EXOC3L1: variants seen among roughly 807,000 people sequenced by gnomAD.
EXOC3L1 encodes exocyst complex component 3-like protein.
In EXOC3L1, 79 loss-of-function variants were observed where a neutral mutation model predicts 83.6. That is an observed-to-expected ratio of 0.95 (90% confidence interval 0.79 to 1.14). The LOEUF (loss-of-function observed/expected upper bound fraction) is 1.14, where lower values mean the gene tolerates loss of function less well. Among genes scored for constraint, EXOC3L1 ranks in the 50% most tolerant of loss-of-function variants. The pLI is 0.00. For synonymous variants in EXOC3L1, 433 were observed against 451.2 expected (o/e 0.96, Z 0.51); for missense variants, 945 against 972.0 (o/e 0.97, Z 0.37).
In EXOC3L1 at chr16:67,184,487, G is replaced by A; in HGVS notation, c.2148C>T (p.Arg716=). The change falls in exon 14 of 14, where the codon CGC becomes CGT. Residue 716 remains arginine (R), a synonymous_variant. Transcript: ENST00000314586. Reference sequence around the variant, plus strand: ...GCGCGGGCACTAGGCTGAAGAGGACGCGGCGGCTCGCGCGGGGCGACGGCG... The same window carrying A: ...GCGCGGGCACTAGGCTGAAGAGGACACGGCGGCTCGCGCGGGGCGACGGCG... ...ALPPSPRASR[R]VLFSLVPAPA... is the part of the protein sequence containing the mutation. 1 of 1,522,148 alleles carries A rather than the reference G, an allele frequency of 6.6e-7. No individual in the cohort carries two copies. The highest frequency in any genetic ancestry group is 8.8e-7 in the Non-Finnish European group (1 of 1,142,014). The allele number at this position is 1,522,148 out of a possible 1,614,324, so 94.3% of individuals were successfully genotyped here. A position where few individuals can be genotyped will look rare whatever the true frequency, so the allele number is the denominator to read the frequency against.
chr16:67,184,824 G>A lies in EXOC3L1; in HGVS notation c.1906-14C>T, dbSNP rs2145983551. ...CTCCTCCAGGCCCTGAGCACGTCGG[G>A]GTAGGGTCTCGCGCCAGCCCTCTCT... On this transcript the variant is annotated splice_polypyrimidine_tract_variant and intron_variant, in intron 12 of 13. Transcript: ENST00000314586. The A allele has an allele frequency of 1.9e-6, 3 of 1,604,740 alleles. No homozygotes were observed. The highest frequency in any genetic ancestry group is 2.5e-6 in the Non-Finnish European group (3 of 1,179,700).
chr16:67,184,970 C>A lies in EXOC3L1; in HGVS notation c.1837G>T (p.Glu613Ter). The change falls in exon 12 of 14, where the codon GAG (glutamate) becomes TAG (stop). Residue 613 changes from glutamate (E) to a stop codon, truncating the protein, a stop_gained. Coordinates refer to ENST00000314586, the MANE Select transcript of EXOC3L1 (RefSeq NM_178516.4). LOFTEE classifies it high-confidence loss of function. ...AGGCGCTCGGCCGCCTGGGTCCTCT[C>A]GTCGGCTCCGCGGCACACCAGGCGG... ...QGRLVCRGAD[E>*]RTQAAERLRH... 1.2e-6 allele frequency: 2 copies of A among 1,610,046 alleles called. No individual in the cohort carries two copies. Among genetic ancestry groups the A allele is most frequent in the Non-Finnish European group, 1.7e-6 (2 of 1,178,974 alleles).
At position 67,186,352 on chromosome 16, in the gene EXOC3L1, A is replaced by C. The variant is rs1027762613; in HGVS notation, c.1386-5T>G. 21 of 1,555,828 alleles carry C rather than the reference A, an allele frequency of 1.3e-5. No individual in the cohort carries two copies. The highest frequency in any genetic ancestry group is 1.8e-5 in the Non-Finnish European group (21 of 1,148,172). ...CGGATCAGAGCATCACTGAAGCTGC[A>C]ATGGGCAGAGGTGGCTCCTGGACTT... On this transcript the variant is annotated splice_polypyrimidine_tract_variant and splice_region_variant and intron_variant, in intron 8 of 13. Transcript: ENST00000314586.
intron 7 of EXOC3L1, 45 bp from the exon 8 acceptor site, chr16:67,186,702 C>G (rs369404811): frequency 6.5e-5 from 105 of 1,613,134 alleles, no homozygotes; most frequent in Admixed American, 1.7e-4. Context: ...TCCCTCCTTC[C>G]TCTCCTCCCC....
chr16:67,188,752 G>A lies in EXOC3L1; in HGVS notation c.396C>T (p.Ala132=), dbSNP rs574360655. Residue 132 remains alanine (A), a synonymous_variant, in exon 4 of 14, where the codon GCC becomes GCT. Coordinates refer to ENST00000314586, the MANE Select transcript of EXOC3L1 (RefSeq NM_178516.4). ...ERVAQHKQLQ[A]LSHLLPRLRA... is the part of the protein sequence containing the mutation. ...GCAGCCGAGGCAGCAGGTGAGACAG[G>A]GCCTGCAGTTGCTTGTGCTGGGCAA... 1 of 1,612,510 alleles carries A rather than the reference G, an allele frequency of 6.2e-7. No individual in the cohort carries two copies. The highest frequency in any genetic ancestry group is 1.1e-5 in the South Asian group (1 of 91,066).
At chr16:67,185,651 G>A (rs1597268649) in intron 9 of EXOC3L1, 161 bp from the exon 10 acceptor site, 1 of 662,734 alleles carries the variant, frequency 1.5e-6, no homozygotes, top group East Asian at 2.7e-5. Context: ...ACCAGGGCTG[G>A]GAGACGGGCG....
At position 67,186,650 on chromosome 16, in the gene EXOC3L1, TC is replaced by T. The variant is rs2032731265; in HGVS notation, c.1291del (p.Glu431LysfsTer30). 1 of 1,614,058 alleles carries T rather than the reference TC, an allele frequency of 6.2e-7. No individual in the cohort carries two copies. The highest frequency in any genetic ancestry group is 8.5e-7 in the Non-Finnish European group (1 of 1,179,976). On this transcript the variant is annotated frameshift_variant, in exon 8 of 14. Coordinates refer to ENST00000314586, the MANE Select transcript of EXOC3L1 (RefSeq NM_178516.4). LOFTEE classifies it high-confidence loss of function. ...PMPAIVLQILEENIRVASLVS... is the reference protein window; with the variant it reads ...PMPAIVLQILXENIRVASLVS... ...CAGGCTGGCCACACGAATGTTCTCT[TC>T]CAGGATCTGCAGGCAGAAATGAGCA...
At chr16:67,189,256 A>T (rs2032816924) in intron 2 of EXOC3L1, 76 bp from the exon 3 acceptor site, 1 of 1,254,588 alleles carries the variant, frequency 8.0e-7, no homozygotes, top group African/African-American at 1.5e-5. Flanking sequence ...TTTCTTATTT[A>T]TTTATTTATT....
At position 67,185,442 on chromosome 16, in the gene EXOC3L1, C is replaced by T; in HGVS notation, c.1545G>A (p.Leu515=). Residue 515 remains leucine, a synonymous_variant, in exon 10 of 14, where the codon TTG becomes TTA. Coordinates refer to ENST00000314586, the MANE Select transcript of EXOC3L1 (RefSeq NM_178516.4). ...CGTCCAGCGCAGCTTCCACTGGAGC[C>T]AAGGCCCCTGAAGGCGCCCCGTCCA... is the stretch of plus-strand genomic sequence containing the variant. The part of the protein sequence containing the change: ...LQLDGAPSGA[L]APVEAALDEL... 1.2e-6 allele frequency: 2 copies of T among 1,611,396 alleles called. No individual in the cohort carries two copies. The highest frequency in any genetic ancestry group is 1.3e-5 in the African/African-American group (1 of 74,902).
intron 9 of EXOC3L1, 96 bp downstream of exon 9, chr16:67,186,141 A>C: frequency 1.2e-6 from 1 of 868,648 alleles, no homozygotes; most frequent in East Asian, 2.7e-5. Context: ...ATGTGAGTCC[A>C]AAGTCCCTAG....
At position 67,185,380 on chromosome 16, in the gene EXOC3L1, G is replaced by T; in HGVS notation, c.1607C>A (p.Ala536Glu). ...QRRIYRLVLE[A>E]LQAELQPLFA... ...CCTCACCTGGAGCTCCGCCTGCAGC[G>T]CCTCCAACACCAAGCGGTAGATCCT... is the stretch of plus-strand genomic sequence containing the variant. Residue 536 changes from alanine to glutamate, a missense_variant, in exon 10 of 14, where the codon GCG becomes GAG. Coordinates refer to ENST00000314586, the MANE Select transcript of EXOC3L1 (RefSeq NM_178516.4). 1 of 1,612,656 alleles carries T rather than the reference G, an allele frequency of 6.2e-7. No individual in the cohort carries two copies. The highest frequency in any genetic ancestry group is 1.1e-5 in the South Asian group (1 of 91,084).
chr16:67,189,696 G>C lies in EXOC3L1; in HGVS notation c.-7-13C>G, dbSNP rs1478939971. 5 of 1,613,724 alleles carry C rather than the reference G, an allele frequency of 3.1e-6. No homozygotes were observed. Among genetic ancestry groups the C allele is most frequent in the South Asian group, 1.1e-5 (1 of 91,000 alleles). On this transcript the variant is annotated splice_polypyrimidine_tract_variant and intron_variant, in intron 1 of 13. Coordinates refer to ENST00000314586, the MANE Select transcript of EXOC3L1 (RefSeq NM_178516.4). ...GTCCATTGTGGGCCTGGAGGAGCCAGAGCTGAGGTGGGCCCGGGGCAAGCA... is the reference window on the plus strand; with the variant it reads ...GTCCATTGTGGGCCTGGAGGAGCCACAGCTGAGGTGGGCCCGGGGCAAGCA...
chr16:67,186,077 A>T (rs1444926758), intron 9 of EXOC3L1, among the ~76,000 whole-genome samples, 160 bp downstream of exon 9: 4 of 152,228 alleles, frequency 2.6e-5, no homozygotes, highest in Non-Finnish European at 5.9e-5. Context: ...TAGGTAACTC[A>T]TCCAAGGTCA....
In EXOC3L1 at chr16:67,185,335, C is replaced by T. The variant is rs754887106; in HGVS notation, c.1626+26G>A. The T allele has an allele frequency of 4.3e-6, 7 of 1,612,848 alleles. No homozygotes were observed. The Admixed American group carries it at 8.3e-5, about 19-fold the overall frequency. ...TGTACCGCCACCTCTCCACCTGCTCCCATCCTGACCTGAAGGAGGCCTCAC... is the reference window on the plus strand; with the variant it reads ...TGTACCGCCACCTCTCCACCTGCTCTCATCCTGACCTGAAGGAGGCCTCAC... On this transcript the variant is annotated intron_variant, in intron 10 of 13. Coordinates refer to ENST00000314586, the MANE Select transcript of EXOC3L1 (RefSeq NM_178516.4).
At chr16:67,188,969 G>A in intron 3 of EXOC3L1, 29 bp from the exon 4 acceptor site, 3 of 1,609,698 alleles carry the variant, frequency 1.9e-6, no homozygotes, top group Non-Finnish European at 2.5e-6. Flanking sequence ...ATGAGGCTGG[G>A]CCAGCCCTGC....
At chr16:67,186,199 G>T (rs754365821) in intron 9 of EXOC3L1, 38 bp downstream of exon 9, 1 of 1,372,460 alleles carries the variant, frequency 7.3e-7, no homozygotes, top group Non-Finnish European at 1.0e-6. Context: ...TCAATAGGGG[G>T]TTAGTGAAGG....
Position 67,187,331 on chromosome 16 carries a change from G to A in EXOC3L1, c.934C>T (p.Leu312=). 1 of 1,612,992 alleles carries A rather than the reference G, an allele frequency of 6.2e-7. No individual in the cohort carries two copies. Among genetic ancestry groups the A allele is most frequent in the Non-Finnish European group, 8.5e-7 (1 of 1,180,026 alleles). ...AGGCTGCGGCGCAAACCACTATGCA[G>A]CGTGTGGGCCCATAGCTGGACCACG... The part of the protein sequence containing the change: ...YNVVQLWAHT[L]HSGLRRSLQN... Residue 312 remains leucine (L), a synonymous_variant, in exon 5 of 14, where the codon CTG becomes TTG. Coordinates refer to ENST00000314586, the MANE Select transcript of EXOC3L1 (RefSeq NM_178516.4).
intron 1 of EXOC3L1, 40 bp from the exon 2 acceptor site, chr16:67,189,723 G>A: frequency 2.5e-6 from 4 of 1,602,712 alleles, no homozygotes; most frequent in Non-Finnish European, 2.6e-6. Context: ...GGGCAAGCAG[G>A]CAGAGTAGAT....
chr16:67,186,267 A>G lies in EXOC3L1; in HGVS notation c.1466T>C (p.Leu489Pro), dbSNP rs775094173. ...SMAPHYVPYLLAALNHKSALS... is the reference protein window; with the variant it reads ...SMAPHYVPYLPAALNHKSALS... ...TGCTGACTTGTGGTTGAGGGCGGCC[A>G]GTAGGTAGGGCACGTAATGAGGGGC... The change falls in exon 9 of 14, where the codon CTG becomes CCG. Residue 489 changes from leucine (L) to proline (P), a missense_variant. By Grantham distance (98) the Leu-to-Pro change is moderately conservative. Transcript: ENST00000314586. The G allele has an allele frequency of 6.3e-7, 1 of 1,578,282 alleles. No homozygotes were observed. The highest frequency in any genetic ancestry group is 8.6e-7 in the Non-Finnish European group (1 of 1,161,014).
Sources: gnomAD v4.1 joint callset for allele counts (sites outside exome capture counted in the v4.1 genomes callset) on GRCh38, gnomAD v4.1.1 for gene constraint, MANE v1.5 for transcripts, NCBI Gene and HGNC (gene_info 2026-07-23, HGNC 2026-07-21) for gene names.